The following C1orf185 variants were observed in gnomAD, a reference collection of about 807,000 sequenced individuals.
C1orf185 encodes the protein uncharacterized protein C1orf185.
A neutral mutation model predicts 16.1 loss-of-function variants in C1orf185; 13 were observed. The observed-to-expected ratio is 0.81, with a 90% CI of 0.53 to 1.28. C1orf185 has a LOEUF of 1.28. Among genes scored for constraint, C1orf185 ranks in the 50% most tolerant of loss-of-function variants. C1orf185 has a pLI of 0.00. For missense variants in C1orf185, 220 were observed against 225.2 expected (o/e 0.98, Z 0.15); for synonymous variants, 80 against 76.9 (o/e 1.04, Z -0.21).
chr1:51,123,369 G>C (rs946299704), intron 3 of C1orf185, among the ~76,000 whole-genome samples: 2 of 152,114 alleles, frequency 1.3e-5, no homozygotes, highest in Admixed American at 6.6e-5. Context: ...TTTTTAGCAC[G>C]GAATAATGTT....
chr1:51,106,053 T>G (rs1183580909), intron 1 of C1orf185, among the ~76,000 whole-genome samples: 1 of 152,156 alleles, frequency 6.6e-6, no homozygotes, highest in Non-Finnish European at 1.5e-5. Flanking sequence ...CTATTTTCTG[T>G]CGTAATAGAG....
At chr1:51,150,739 A>C (rs962119470), downstream of C1orf185, among the ~76,000 whole-genome samples, 1 of 152,152 alleles carries the variant, frequency 6.6e-6, no homozygotes, top group African/African-American at 2.4e-5. Context: ...GAGGCAGTTT[A>C]TTGTTCATAG....
intron 2 of C1orf185, among the ~76,000 whole-genome samples, chr1:51,118,268 A>T (rs1272477720): frequency 6.6e-6 from 1 of 152,244 alleles, no homozygotes; most frequent in Non-Finnish European, 1.5e-5. Context: ...TTGACCAATG[A>T]GTTGCATTTT....
At chr1:51,103,584 A>T (rs1429288394) in intron 1 of C1orf185, among the ~76,000 whole-genome samples, 1 of 144,228 alleles carries the variant, frequency 6.9e-6, no homozygotes, top group Non-Finnish European at 1.5e-5. Flanking sequence ...CCCAGGCTGG[A>T]GTGCAGTGGC....
chr1:51,123,968 TTATA>T (rs1271900118), intron 3 of C1orf185, among the ~76,000 whole-genome samples: 6 of 148,468 alleles, frequency 4.0e-5, no homozygotes, highest in African/African-American at 1.5e-4. Context: ...CACACACACA[TTATA>T]TATATATATA....
chr1:51,124,351 G>A (rs1557647509), intron 3 of C1orf185, among the ~76,000 whole-genome samples: 2 of 152,192 alleles, frequency 1.3e-5, no homozygotes. Flanking sequence ...CAAAGTGCTG[G>A]GATTATAGGC....
At position 51,118,896 on chromosome 1, in the gene C1orf185, C is replaced by T. The variant is rs1646177924; in HGVS notation, c.258+95C>T. On this transcript the variant is annotated intron_variant, in intron 3 of 4. Coordinates refer to ENST00000371759, the MANE Select transcript of C1orf185 (RefSeq NM_001136508.2). ...TCTTAAAATCTGAAGGACAGAGAAT[C>T]CACTATTATTTTTTAATTTGAGGGA... 6.1e-6 allele frequency: 6 copies of T among 981,252 alleles called. No individual in the cohort carries two copies. The East Asian group carries it at 1.9e-4, about 31-fold the overall frequency. The allele number at this position is 981,252 out of a possible 1,614,324, so 60.8% of individuals were successfully genotyped here.
At chr1:51,132,113 G>A (rs1428327041) in intron 3 of C1orf185, among the ~76,000 whole-genome samples, 2 of 152,118 alleles carry the variant, frequency 1.3e-5, no homozygotes, top group Non-Finnish European at 2.9e-5. Context: ...ACATCCAAAG[G>A]TCAGCAACCT....
chr1:51,137,539 T>A (rs28880342), intron 3 of C1orf185, among the ~76,000 whole-genome samples: 2 of 151,040 alleles, frequency 1.3e-5, no homozygotes, highest in African/African-American at 2.4e-5. Flanking sequence ...CAAAAAAAAA[T>A]AAAAAATAAA....
At chr1:51,132,334 T>G (rs1431776899) in intron 3 of C1orf185, among the ~76,000 whole-genome samples, 3 of 152,048 alleles carry the variant, frequency 2.0e-5, no homozygotes, top group Non-Finnish European at 4.4e-5. Context: ...TGCAAGAAGC[T>G]AAAAATCATG....
downstream of C1orf185, among the ~76,000 whole-genome samples, chr1:51,151,225 G>A (rs1646428094): frequency 6.6e-6 from 1 of 152,154 alleles, no homozygotes; most frequent in Admixed American, 6.5e-5. Context: ...CTGGTCTCAG[G>A]AACAGGTGTA....
chr1:51,102,554 T>C (rs1036406884), intron 1 of C1orf185, among the ~76,000 whole-genome samples: 1 of 152,156 alleles, frequency 6.6e-6, no homozygotes, highest in African/African-American at 2.4e-5. Flanking sequence ...TTCAAATATA[T>C]TAGCATAAAT....
intron 1 of C1orf185, among the ~76,000 whole-genome samples, chr1:51,102,751 C>A (rs1399291153): frequency 6.6e-6 from 1 of 151,678 alleles, no homozygotes; most frequent in Non-Finnish European, 1.5e-5. Context: ...TTATTATTTT[C>A]TTCCTCTACT....
intron 2 of C1orf185, among the ~76,000 whole-genome samples, chr1:51,115,859 G>T (rs1251414464): frequency 1.3e-5 from 2 of 152,128 alleles, no homozygotes; most frequent in Non-Finnish European, 2.9e-5. Flanking sequence ...ATCTGGGATA[G>T]GTTTTGCAGG....
chr1:51,146,917 G>A (rs1327666537), intron 4 of C1orf185, among the ~76,000 whole-genome samples: 1 of 152,058 alleles, frequency 6.6e-6, no homozygotes, highest in African/African-American at 2.4e-5. Context: ...GCTTAAGGAG[G>A]CATGTACTTT....
chr1:51,108,511 A>C (rs1285792864), intron 1 of C1orf185, among the ~76,000 whole-genome samples: 1 of 152,156 alleles, frequency 6.6e-6, no homozygotes, highest in Non-Finnish European at 1.5e-5. Flanking sequence ...CTCTGCCATC[A>C]AACATTAGAG....
chr1:51,132,756 T>C (rs968602933), intron 3 of C1orf185, among the ~76,000 whole-genome samples: 1 of 151,908 alleles, frequency 6.6e-6, no homozygotes, highest in Admixed American at 6.6e-5. Context: ...ACACACATAA[T>C]CATTGGATTC....
chr1:51,134,186 T>G (rs897193725), intron 3 of C1orf185, among the ~76,000 whole-genome samples: 3 of 152,192 alleles, frequency 2.0e-5, no homozygotes, highest in Admixed American at 2.0e-4. Context: ...ACTAAGAAAT[T>G]CACTCAAAAC....
At chr1:51,120,464 C>T (rs573657889) in intron 3 of C1orf185, among the ~76,000 whole-genome samples, 3 of 152,282 alleles carry the variant, frequency 2.0e-5, no homozygotes, top group African/African-American at 7.2e-5. Context: ...TGTGAAAAAG[C>T]ACTCAGAATA....
Sources: allele counts gnomAD v4.1 joint callset (sites outside exome capture counted in the v4.1 genomes callset), GRCh38; gene constraint gnomAD v4.1.1; transcripts MANE v1.5; gene names NCBI Gene and HGNC (gene_info 2026-07-23, HGNC 2026-07-21).